The following CEBPZOS variants were observed in gnomAD, a reference collection of about 807,000 sequenced individuals.
CEBPZOS encodes CEBPZ opposite strand.
CEBPZOS carries 10 observed loss-of-function variants against 4.8 expected under a neutral mutation model. That is an observed-to-expected ratio of 2.07 (90% CI 1.28 to 3.52). The LOEUF (loss-of-function observed/expected upper bound fraction) is 3.52, where lower values mean the gene tolerates loss of function less well. Ranked by LOEUF, CEBPZOS falls within the 30% of genes most tolerant of loss-of-function variation. The probability of loss-of-function intolerance (pLI) is 0.00; values close to 1 mark genes in which losing one functional copy is unlikely to be tolerated. For missense variants in CEBPZOS, 98 were observed against 43.6 expected, an observed-to-expected ratio of 2.25 and a Z score of -3.51; for synonymous variants, 25 against 14.2, an observed-to-expected ratio of 1.77 and a Z score of -1.72.
intron 1 of CEBPZOS, among the ~76,000 whole-genome samples, chr2:37,196,976 C>T (rs1037868942): frequency 6.6e-6 from 1 of 152,236 alleles, no homozygotes; most frequent in African/African-American, 2.4e-5. Context: ...AGCTGGGAGG[C>T]CGCCCCGATT....
chr2:37,202,856 G>C lies in CEBPZOS; in HGVS notation c.*996G>C, dbSNP rs1677342588. The stretch of plus-strand genomic sequence containing the variant: ...TTGGATCCCATATTTTCATCCAATA[G>C]ATGGCCAAACTTTTAAACAAAAACG... On this transcript the variant is annotated 3_prime_UTR_variant, in exon 5 of 5. Transcript: ENST00000402297. The C allele has an allele frequency of 6.2e-7, 1 of 1,600,686 alleles. No individual in the cohort carries two copies. Among genetic ancestry groups the C allele is most frequent in the Non-Finnish European group, 8.5e-7 (1 of 1,173,942 alleles).
downstream of CEBPZOS, chr2:37,204,748 C>T (rs954966640): frequency 6.6e-6 from 1 of 152,168 alleles, no homozygotes; most frequent in African/African-American, 2.4e-5. Flanking sequence ...AAATTCCTTG[C>T]CTCTTTTTGT....
downstream of CEBPZOS, among the ~76,000 whole-genome samples, chr2:37,207,689 C>T (rs1677585083): frequency 6.6e-6 from 1 of 152,124 alleles, no homozygotes; most frequent in Non-Finnish European, 1.5e-5. Flanking sequence ...TAAATGTCTA[C>T]ATCAAAAAGT....
Position 37,203,115 on chromosome 2 carries a change from T to G in CEBPZOS, c.*1255T>G. On this transcript the variant is annotated 3_prime_UTR_variant, in exon 5 of 5. Coordinates refer to ENST00000402297, the MANE Select transcript of CEBPZOS (RefSeq NM_001322374.2). ...AAAAATTATACTTGGGTAAAAACAATTGCAATAATCTTCTGGCACCATTGG... is the reference window on the plus strand; with the variant it reads ...AAAAATTATACTTGGGTAAAAACAAGTGCAATAATCTTCTGGCACCATTGG... 2 of 693,974 alleles carry G rather than the reference T, an allele frequency of 2.9e-6. No individual in the cohort carries two copies. Among genetic ancestry groups the G allele is most frequent in the Non-Finnish European group, 4.6e-6 (2 of 438,722 alleles). The allele number at this position is 693,974 out of a possible 1,614,324, so 43.0% of individuals were successfully genotyped here. A position where few individuals can be genotyped will look rare whatever the true frequency, so the allele number is the denominator to read the frequency against.
chr2:37,201,775 G>A (rs866594498), intron 4 of CEBPZOS, 49 bp downstream of exon 4: 2 of 1,420,574 alleles, frequency 1.4e-6, no homozygotes, highest in Non-Finnish European at 2.0e-6. Flanking sequence ...CATTTCCTTT[G>A]TTTTTTAGTT....
intron 1 of CEBPZOS, among the ~76,000 whole-genome samples, chr2:37,197,670 G>T (rs1677013479): frequency 6.6e-6 from 1 of 152,154 alleles, no homozygotes; most frequent in Admixed American, 6.5e-5. Flanking sequence ...TCGGAAGTTA[G>T]CCTGGCCAAC....
intron 4 of CEBPZOS, chr2:37,212,400 A>G: frequency 1.2e-6 from 2 of 1,610,636 alleles, no homozygotes; most frequent in Non-Finnish European, 1.7e-6. Context: ...TGTCTGCCAG[A>G]CAATACAGAA....
chr2:37,196,759 C>T (rs930267387), intron 1 of CEBPZOS: 2 of 152,336 alleles, frequency 1.3e-5, no homozygotes, highest in African/African-American at 4.8e-5. Flanking sequence ...AGGCCCGGGC[C>T]TAGCGTTCCG....
chr2:37,198,279 C>A (rs1677047181), intron 1 of CEBPZOS, among the ~76,000 whole-genome samples: 1 of 152,178 alleles, frequency 6.6e-6, no homozygotes, highest in Non-Finnish European at 1.5e-5. Flanking sequence ...CCCTTCCCAC[C>A]ACTCAACTGC....
chr2:37,201,510 CTG>C (rs1294006544), intron 3 of CEBPZOS, 130 bp from the exon 4 acceptor site: 2 of 600,712 alleles, frequency 3.3e-6, no homozygotes, highest in East Asian at 2.8e-5. Context: ...TATGTGAAGT[CTG>C]TAATCCTACT....
chr2:37,199,628 T>A lies in CEBPZOS; in HGVS notation c.-1-76T>A, dbSNP rs993060936. 4.5e-6 allele frequency: 3 copies of A among 670,566 alleles called. No homozygotes were observed. In the South Asian group the frequency reaches 4.9e-5, roughly 11 times the overall value. The allele number at this position is 670,566 out of a possible 1,614,324, so 41.5% of individuals were successfully genotyped here. ...AGCCATTCAAACTGTGGGAATGAATTTGAGTTATTAGAGAAATGATAATAG... is the reference window on the plus strand; with the variant it reads ...AGCCATTCAAACTGTGGGAATGAATATGAGTTATTAGAGAAATGATAATAG... On this transcript the variant is annotated intron_variant, in intron 1 of 4. Transcript: ENST00000402297.
downstream of CEBPZOS, among the ~76,000 whole-genome samples, chr2:37,215,711 G>A (rs2465492): frequency 0.028 from 4,244 of 152,222 alleles, 187 homozygotes; most frequent in African/African-American, 0.096. Context: ...AGGTTATTAA[G>A]TTTAAAATGA....
At chr2:37,212,603 G>T in intron 4 of CEBPZOS, 1 of 537,766 alleles carries the variant, frequency 1.9e-6, no homozygotes, top group Non-Finnish European at 3.3e-6. Flanking sequence ...ACTAAAGAAG[G>T]ATCCAGTTAA....
downstream of CEBPZOS, among the ~76,000 whole-genome samples, chr2:37,207,370 G>C (rs958206796): frequency 1.3e-5 from 2 of 152,108 alleles, no homozygotes; most frequent in African/African-American, 4.8e-5. Context: ...ACCAGCACAC[G>C]GAGCATTCTC....
At chr2:37,197,803 T>C (rs1031381934) in intron 1 of CEBPZOS, among the ~76,000 whole-genome samples, 1 of 151,594 alleles carries the variant, frequency 6.6e-6, no homozygotes, top group Non-Finnish European at 1.5e-5. Context: ...GAGACGGAGG[T>C]TGCAGTGAGC....
chr2:37,199,233 G>A (rs533827804), intron 1 of CEBPZOS, among the ~76,000 whole-genome samples: 1 of 152,090 alleles, frequency 6.6e-6, no homozygotes, highest in South Asian at 2.1e-4. Flanking sequence ...ATGTAATAGT[G>A]TATGTTGTAT....
chr2:37,214,176 A>G (rs1346782672), downstream of CEBPZOS, among the ~76,000 whole-genome samples: 1 of 152,198 alleles, frequency 6.6e-6, no homozygotes, highest in Non-Finnish European at 1.5e-5. Context: ...CATTTCAAAG[A>G]TAATATTTTA....
downstream of CEBPZOS, among the ~76,000 whole-genome samples, chr2:37,214,686 CT>C (rs1236063272): frequency 6.6e-6 from 1 of 152,064 alleles, no homozygotes; most frequent in Non-Finnish European, 1.5e-5. Context: ...ATCCTTTGAT[CT>C]TTTCAAAATA....
downstream of CEBPZOS, chr2:37,204,763 G>T (rs1255060683): frequency 2.0e-5 from 3 of 152,118 alleles, no homozygotes; most frequent in African/African-American, 4.8e-5. Flanking sequence ...TTTTGTTTCA[G>T]TCAATTCTGT....
Sources: allele counts gnomAD v4.1 joint callset (sites outside exome capture counted in the v4.1 genomes callset), GRCh38; gene constraint gnomAD v4.1.1; transcripts MANE v1.5; gene names NCBI Gene and HGNC (gene_info 2026-07-23, HGNC 2026-07-21).